Variants in R3HDML observed in about 807,000 individuals in gnomAD.
R3HDML encodes the protein peptidase inhibitor R3HDML.
In R3HDML, 21 loss-of-function variants were observed where a neutral mutation model predicts 24.2. That is an observed-to-expected ratio of 0.87 (90% confidence interval 0.62 to 1.25). The LOEUF (loss-of-function observed/expected upper bound fraction) is 1.25. Among genes scored for constraint, R3HDML ranks in the 50% most tolerant of loss-of-function variants. R3HDML has a pLI of 0.00. For missense variants in R3HDML, 301 were observed against 340.3 expected (o/e 0.88, Z 0.91); for synonymous variants, 133 against 131.5 (o/e 1.01, Z -0.08).
chr20:44,339,062 T>TAAAA (rs750054379), intron 1 of R3HDML, among the ~76,000 whole-genome samples: 1 of 111,548 alleles, frequency 9.0e-6, no homozygotes, highest in African/African-American at 3.5e-5. Context: ...AAACTCTATC[T>TAAAA]AAAAAAAAAA....
intron 2 of R3HDML, among the ~76,000 whole-genome samples, chr20:44,342,705 A>C (rs1325673616): frequency 2.6e-5 from 4 of 152,098 alleles, no homozygotes; most frequent in African/African-American, 9.7e-5. Flanking sequence ...TAATCCCAGC[A>C]CTTTGGGAGG....
At chr20:44,346,627 G>C (rs79615084) in intron 4 of R3HDML, among the ~76,000 whole-genome samples, 15,313 of 152,222 alleles carry the variant, frequency 0.1, 951 homozygotes, top group Middle Eastern at 0.17. Flanking sequence ...CCCCTTCTTA[G>C]AAGTACAGTG....
chr20:44,348,468 CTCCTTTTCCCTTTCTCCTTTCCTT>C (rs2062795928), intron 4 of R3HDML, among the ~76,000 whole-genome samples: 1 of 128,530 alleles, frequency 7.8e-6, no homozygotes, highest in South Asian at 2.4e-4. Flanking sequence ...TTTCCCCTTT[CTCCTTTTCCCTTTCTCCTTTCCTT>C]TCCTTTCCTT....
At chr20:44,350,480 G>C in intron 4 of R3HDML, 180 bp from the exon 5 acceptor site, 1 of 501,170 alleles carries the variant, frequency 2.0e-6, no homozygotes, top group Non-Finnish European at 3.2e-6. Flanking sequence ...ATGGGTGACA[G>C]AGCAAAACAA....
At chr20:44,343,286 A>G (rs2062776827) in intron 2 of R3HDML, 91 bp from the exon 3 acceptor site, 1 of 1,488,988 alleles carries the variant, frequency 6.7e-7, no homozygotes, top group South Asian at 1.2e-5. Flanking sequence ...GAAAGGAAGC[A>G]AAGTGATCAC....
intron 1 of R3HDML, among the ~76,000 whole-genome samples, chr20:44,338,617 GGT>G (rs1035416514): frequency 2.6e-5 from 4 of 152,222 alleles, no homozygotes; most frequent in Non-Finnish European, 5.9e-5. Flanking sequence ...TGCCCCAACA[GGT>G]GTTTAATGAT....
At chr20:44,338,037 C>T (rs2062762435) in intron 1 of R3HDML, among the ~76,000 whole-genome samples, 1 of 152,192 alleles carries the variant, frequency 6.6e-6, no homozygotes, top group African/African-American at 2.4e-5. Context: ...TGGGATGTCT[C>T]CCCTCAAAGA....
chr20:44,349,922 T>C (rs2062803866), intron 4 of R3HDML, among the ~76,000 whole-genome samples: 1 of 151,928 alleles, frequency 6.6e-6, no homozygotes, highest in South Asian at 2.1e-4. Context: ...ATACAAAAAT[T>C]AGCCAGGTGT....
At chr20:44,346,665 A>T (rs1385004326) in intron 4 of R3HDML, among the ~76,000 whole-genome samples, 1 of 152,246 alleles carries the variant, frequency 6.6e-6, no homozygotes. Flanking sequence ...CGACAAGAAA[A>T]ATACAGCCAA....
chr20:44,350,641 G>C lies in R3HDML; in HGVS notation c.630-19G>C. ...TCACCTAATGCTCCTCTGTCTCCCTGGGTCCTTTTCTCTTCCAGGGGCAAC... is the reference window on the plus strand; with the variant it reads ...TCACCTAATGCTCCTCTGTCTCCCTCGGTCCTTTTCTCTTCCAGGGGCAAC... On this transcript the variant is annotated intron_variant, in intron 4 of 4. Coordinates refer to ENST00000217043, the MANE Select transcript of R3HDML (RefSeq NM_178491.4). 3 of 1,610,254 alleles carry C rather than the reference G, an allele frequency of 1.9e-6. No homozygotes were observed. Among genetic ancestry groups the C allele is most frequent in the Non-Finnish European group, 1.7e-6 (2 of 1,178,210 alleles).
Position 44,337,216 on chromosome 20 carries a change from C to A in R3HDML, c.59C>A (p.Ala20Glu). 1 of 1,613,764 alleles carries A rather than the reference C, an allele frequency of 6.2e-7. No homozygotes were observed. Among genetic ancestry groups the A allele is most frequent in the Non-Finnish European group, 8.5e-7 (1 of 1,180,004 alleles). ...GGCCTGCTCTTCTGGGCTGGCCAGG[C>A]AGTGAACGCCTTGATAATGCCTAAT... ...LAGLLFWAGQ[A>E]VNALIMPNAT... The change falls in exon 1 of 5, where the codon GCA becomes GAA. Residue 20 changes from alanine (A) to glutamate (E), a missense_variant. Ala to Glu is a moderately radical substitution (Grantham distance 107). Coordinates refer to ENST00000217043, the MANE Select transcript of R3HDML (RefSeq NM_178491.4). This position sits in a 1 kb window ranked among gnomAD's most constrained non-coding sequence, Gnocchi z 4.7.
intron 3 of R3HDML, 37 bp downstream of exon 3, chr20:44,343,546 C>T: frequency 1.9e-6 from 3 of 1,545,626 alleles, no homozygotes; most frequent in Non-Finnish European, 2.6e-6. Context: ...CCTGGGATAA[C>T]ACATCCTGGC....
intron 4 of R3HDML, among the ~76,000 whole-genome samples, chr20:44,348,253 GT>G (rs1424838392): frequency 1.3e-5 from 2 of 152,122 alleles, no homozygotes; most frequent in Non-Finnish European, 2.9e-5. Flanking sequence ...TTGGAATTGA[GT>G]GAGATAACAC....
At chr20:44,345,450 C>T (rs1014507004) in intron 4 of R3HDML, 72 bp downstream of exon 4, 21 of 999,738 alleles carry the variant, frequency 2.1e-5, no homozygotes, top group East Asian at 4.8e-5. Flanking sequence ...AAGAAAGATA[C>T]GCTCCATATC....
chr20:44,347,092 A>G (rs1460883970), intron 4 of R3HDML, among the ~76,000 whole-genome samples: 1 of 152,216 alleles, frequency 6.6e-6, no homozygotes, highest in Admixed American at 6.5e-5. Flanking sequence ...CAGCGAGCTG[A>G]GATCACACCA....
chr20:44,337,235 G>A lies in R3HDML; in HGVS notation c.78G>A (p.Met26Ile), dbSNP rs1235678040. 5.0e-6 allele frequency: 8 copies of A among 1,613,802 alleles called. No individual in the cohort carries two copies. The highest frequency in any genetic ancestry group is 6.8e-6 in the Non-Finnish European group (8 of 1,180,018). The change falls in exon 1 of 5, where the codon ATG becomes ATA. Residue 26 changes from methionine to isoleucine, a missense_variant. Met to Ile is a conservative substitution (Grantham distance 10). Transcript: ENST00000217043. The surrounding 1 kb of genome is among the most constrained non-coding windows in gnomAD (Gnocchi z 4.7). ...GCCAGGCAGTGAACGCCTTGATAAT[G>A]CCTAATGCTACCCCAGCCCCGGCCC... Reference protein sequence around the residue: ...WAGQAVNALIMPNATPAPAQP... With the variant: ...WAGQAVNALIIPNATPAPAQP...
chr20:44,340,028 C>T (rs987881664), intron 1 of R3HDML, among the ~76,000 whole-genome samples: 22 of 152,226 alleles, frequency 1.4e-4, no homozygotes, highest in Middle Eastern at 3.4e-3. Context: ...GGACTCAGCT[C>T]ACTGCAACCT....
In R3HDML at chr20:44,345,636, T is replaced by C. The variant is rs567755981; in HGVS notation, c.629+258T>C. ...CTGGGGAACAAAGCAAGACCCCAAC[T>C]CTTAAAAAAAAAAATTAGCTGAGTG... On this transcript the variant is annotated intron_variant, in intron 4 of 4. Transcript: ENST00000217043. Among the ~76,000 whole-genome samples, 202 of 150,676 alleles carry C rather than the reference T, an allele frequency of 1.3e-3. 1 individual carries two copies. Among genetic ancestry groups the C allele is most frequent in the African/African-American group, 3.9e-3 (162 of 41,026 alleles).
chr20:44,343,576 G>A, intron 3 of R3HDML, 67 bp downstream of exon 3: 1 of 1,452,334 alleles, frequency 6.9e-7, no homozygotes, highest in Admixed American at 2.6e-5. Flanking sequence ...GAAAAGGAAT[G>A]TGTGGAGCAG....
Sources: allele counts gnomAD v4.1 joint callset (sites outside exome capture counted in the v4.1 genomes callset), GRCh38; gene constraint gnomAD v4.1.1; non-coding constraint Gnocchi (gnomAD v3.1); transcripts MANE v1.5; gene names NCBI Gene and HGNC (gene_info 2026-07-23, HGNC 2026-07-21).